FOXN3: variants seen among roughly 807,000 people sequenced by gnomAD.
The protein encoded by FOXN3 is forkhead box N3.
FOXN3 carries 7 observed loss-of-function variants against 38.4 expected under a neutral mutation model. The ratio of observed to expected loss-of-function variants is 0.18; its 90% CI spans 0.10 to 0.34. The LOEUF (loss-of-function observed/expected upper bound fraction) is 0.34, where lower values mean the gene tolerates loss of function less well. Ranked by LOEUF, FOXN3 falls within the 10% of genes least tolerant of loss-of-function variation. FOXN3 has a pLI of 1.00. For missense variants in FOXN3, 456 were observed against 613.4 expected (o/e 0.74, Z 2.71); for synonymous variants, 230 against 242.2 (o/e 0.95, Z 0.47).
intron 2 of FOXN3, among the ~76,000 whole-genome samples, chr14:89,380,147 T>C (rs1268017853): frequency 6.6e-6 from 1 of 152,186 alleles, no homozygotes; most frequent in Middle Eastern, 3.2e-3. Flanking sequence ...GGGGAAGTAA[T>C]TGAATCATAG....
intron 4 of FOXN3, among the ~76,000 whole-genome samples, chr14:89,269,900 G>T (rs1411746744): frequency 6.6e-6 from 1 of 152,064 alleles, no homozygotes; most frequent in Admixed American, 6.6e-5. Context: ...AAATATCCCC[G>T]AGCCTTGTCT....
At chr14:89,233,673 T>C (rs1265740146) in intron 4 of FOXN3, among the ~76,000 whole-genome samples, 1 of 152,210 alleles carries the variant, frequency 6.6e-6, no homozygotes, top group Non-Finnish European at 1.5e-5. Context: ...TTTTCAGAAG[T>C]GAGAACCACA....
intron 3 of FOXN3, among the ~76,000 whole-genome samples, chr14:89,287,923 G>A (rs921324864): frequency 1.3e-5 from 2 of 152,148 alleles, no homozygotes; most frequent in African/African-American, 4.8e-5. Flanking sequence ...AGCCCAGTGT[G>A]GTGGCATGTG....
chr14:89,253,003 G>T (rs933337630), intron 4 of FOXN3, among the ~76,000 whole-genome samples: 10 of 152,188 alleles, frequency 6.6e-5, no homozygotes, highest in Admixed American at 1.3e-4. Context: ...TTGGAAGGGG[G>T]TTGTCAAGGA....
chr14:89,319,090 T>A (rs942922057), intron 3 of FOXN3, among the ~76,000 whole-genome samples: 1 of 152,080 alleles, frequency 6.6e-6, no homozygotes, highest in African/African-American at 2.4e-5. Flanking sequence ...AAGGGAAGAA[T>A]CAAAGACAAT....
At chr14:89,508,050 T>A (rs1893983454) in intron 1 of FOXN3, among the ~76,000 whole-genome samples, 1 of 152,156 alleles carries the variant, frequency 6.6e-6, no homozygotes. Flanking sequence ...GGGCTGTGTG[T>A]TTTGTTTTGG....
intron 1 of FOXN3, among the ~76,000 whole-genome samples, chr14:89,431,657 A>G (rs567150117): frequency 6.6e-6 from 1 of 152,280 alleles, no homozygotes; most frequent in African/African-American, 2.4e-5. Context: ...GTTCACAGCA[A>G]ACTTGAGTGG....
At chr14:89,563,164 C>T (rs1895284092) in intron 1 of FOXN3, among the ~76,000 whole-genome samples, 1 of 152,212 alleles carries the variant, frequency 6.6e-6, no homozygotes, top group South Asian at 2.1e-4. Flanking sequence ...ACAACGATGA[C>T]AGCTAACTAT....
At chr14:89,199,608 T>TATACAA (rs1308344728) in intron 4 of FOXN3, among the ~76,000 whole-genome samples, 1 of 152,282 alleles carries the variant, frequency 6.6e-6, no homozygotes, top group East Asian at 1.9e-4. Context: ...ATGAATGATC[T>TATACAA]ATACAAATAC....
intron 1 of FOXN3, among the ~76,000 whole-genome samples, chr14:89,430,915 T>C (rs574358240): frequency 1.3e-5 from 2 of 152,320 alleles, no homozygotes; most frequent in East Asian, 1.9e-4. Context: ...GCCGGGGATC[T>C]TGCTAAAGGC....
At chr14:89,442,146 G>A (rs113288497) in intron 1 of FOXN3, among the ~76,000 whole-genome samples, 5 of 151,890 alleles carry the variant, frequency 3.3e-5, no homozygotes, top group African/African-American at 4.8e-5. Context: ...GGCTGGTCTC[G>A]AACTCCTGAC....
chr14:89,236,623 T>C (rs991409990), intron 4 of FOXN3, among the ~76,000 whole-genome samples: 4 of 152,200 alleles, frequency 2.6e-5, no homozygotes, highest in Non-Finnish European at 4.4e-5. Context: ...GAGCTAACAG[T>C]AAGCCAGAAG....
chr14:89,192,341 T>C (rs544302066), intron 4 of FOXN3, among the ~76,000 whole-genome samples: 2 of 146,034 alleles, frequency 1.4e-5, no homozygotes, highest in South Asian at 4.2e-4. Context: ...TATATAGTTA[T>C]ATGTAATAGT....
At chr14:89,180,948 G>A in intron 4 of FOXN3, 142 bp from the exon 5 acceptor site, 1 of 493,966 alleles carries the variant, frequency 2.0e-6, no homozygotes, top group Non-Finnish European at 3.5e-6. Context: ...ACACACACGT[G>A]CACATACACA....
At chr14:89,617,650 T>C (rs1267551476) in intron 1 of FOXN3, among the ~76,000 whole-genome samples, 2 of 152,214 alleles carry the variant, frequency 1.3e-5, no homozygotes, top group Non-Finnish European at 2.9e-5. Context: ...ATTGAGAATG[T>C]ATTGTAAAGT....
intron 3 of FOXN3, among the ~76,000 whole-genome samples, chr14:89,334,006 A>ATATATATGTATG (rs1555418840): frequency 1.2e-3 from 61 of 49,242 alleles, no homozygotes; most frequent in African/African-American, 3.5e-3. Context: ...ATATATATAT[A>ATATATATGTATG]TATGTATATA....
intron 1 of FOXN3, among the ~76,000 whole-genome samples, chr14:89,488,971 C>G (rs145688126): frequency 7.6e-4 from 116 of 152,274 alleles, no homozygotes; most frequent in Middle Eastern, 3.4e-3. Context: ...TTCTCATGAT[C>G]AAGTTGGTAT....
chr14:89,258,633 C>CT (rs747309321), intron 4 of FOXN3, among the ~76,000 whole-genome samples: 3 of 152,292 alleles, frequency 2.0e-5, no homozygotes, highest in Admixed American at 1.3e-4. Flanking sequence ...ATGTAAGCAG[C>CT]TTTTTTCAGA....
chr14:89,516,993 C>G (rs77804628), intron 1 of FOXN3, among the ~76,000 whole-genome samples: 1,606 of 152,286 alleles, frequency 0.011, 12 homozygotes, highest in Non-Finnish European at 0.016. Context: ...CCTCCACACT[C>G]TCCCCAGAAC....
Sources: allele counts gnomAD v4.1 joint callset (sites outside exome capture counted in the v4.1 genomes callset), GRCh38; gene constraint gnomAD v4.1.1; transcripts MANE v1.5; gene names NCBI Gene and HGNC (gene_info 2026-07-23, HGNC 2026-07-21).